HECW2: variants seen among roughly 807,000 people sequenced by gnomAD.
HECW2 encodes the protein HECT, C2 and WW domain containing E3 ubiquitin protein ligase 2.
HECW2 carries 61 observed loss-of-function variants against 175.2 expected under a neutral mutation model. The observed-to-expected ratio is 0.35, with a 90% confidence interval of 0.28 to 0.43. The LOEUF (loss-of-function observed/expected upper bound fraction) is 0.43. Among genes scored for constraint, HECW2 ranks in the 20% least tolerant of loss-of-function variants. The pLI, the probability that HECW2 is intolerant of heterozygous loss-of-function variation, is 1.00. For synonymous variants in HECW2, 671 were observed against 731.0 expected (o/e 0.92, Z 1.32); for missense variants, 1,524 against 2,000.5 (o/e 0.76, Z 4.54).
intron 1 of HECW2, chr2:196,592,446 GGC>G (rs916493132): frequency 3.9e-5 from 6 of 152,194 alleles, no homozygotes; most frequent in African/African-American, 1.4e-4. Context: ...GTGAAGACAA[GGC>G]ATGAGAGAGT....
At chr2:196,575,478 T>C (rs370523452) in intron 1 of HECW2, among the ~76,000 whole-genome samples, 22 of 152,266 alleles carry the variant, frequency 1.4e-4, no homozygotes, top group African/African-American at 5.3e-4. Flanking sequence ...CAAAGCAGCA[T>C]TATTCATAAT....
At chr2:196,405,922 G>A (rs953038481) in intron 2 of HECW2, among the ~76,000 whole-genome samples, 10 of 152,090 alleles carry the variant, frequency 6.6e-5, no homozygotes, top group Non-Finnish European at 8.8e-5. Context: ...CCCAGTGGTC[G>A]CTTCTCTGTT....
chr2:196,430,163 AG>A (rs1358918842), intron 2 of HECW2, among the ~76,000 whole-genome samples: 1 of 152,222 alleles, frequency 6.6e-6, no homozygotes, highest in African/African-American at 2.4e-5. Context: ...CAAAATTCAC[AG>A]GGGAGACCAA....
At chr2:196,438,557 G>A (rs1224783496) in intron 1 of HECW2, among the ~76,000 whole-genome samples, 6 of 152,178 alleles carry the variant, frequency 3.9e-5, no homozygotes, top group Admixed American at 3.9e-4. Flanking sequence ...AACCATGGAG[G>A]TGCCTCCACT....
chr2:196,277,064 T>C (rs1689985030), intron 15 of HECW2, among the ~76,000 whole-genome samples: 2 of 152,160 alleles, frequency 1.3e-5, no homozygotes, highest in South Asian at 4.1e-4. Context: ...TCAGAAACAA[T>C]GTAAATCAAG....
chr2:196,198,256 A>C lies in HECW2; in HGVS notation c.*3021T>G, dbSNP rs943698825. 26 of 152,274 alleles carry C rather than the reference A, an allele frequency of 1.7e-4. No individual in the cohort carries two copies. The highest frequency in any genetic ancestry group is 3.4e-3 in the Middle Eastern group (1 of 294). 9.4% of individuals were successfully genotyped at this position (152,274 alleles called of 1,614,324 possible). ...CTTTACACTCTCGTTGTGTAAGTGC[A>C]TCCTGGCTTCAACACTTGACCAGTA... is the stretch of plus-strand genomic sequence containing the variant. On this transcript the variant is annotated 3_prime_UTR_variant, in exon 29 of 29. Transcript: ENST00000644978.
intron 21 of HECW2, among the ~76,000 whole-genome samples, chr2:196,229,363 A>G (rs938233230): frequency 6.6e-6 from 1 of 151,930 alleles, no homozygotes; most frequent in African/African-American, 2.4e-5. Flanking sequence ...GTGAAGGAGG[A>G]AAAAACAGAT....
chr2:196,307,291 G>C, intron 11 of HECW2, 58 bp from the exon 12 acceptor site: 1 of 1,166,924 alleles, frequency 8.6e-7, no homozygotes, highest in East Asian at 2.4e-5. Flanking sequence ...GGACTCAACT[G>C]CTCCCCAAGA....
chr2:196,265,737 T>C (rs1436995185), intron 17 of HECW2, among the ~76,000 whole-genome samples: 1 of 152,168 alleles, frequency 6.6e-6, no homozygotes, highest in Admixed American at 6.5e-5. Flanking sequence ...TATCAAATGG[T>C]TTATACATAT....
At chr2:196,282,670 A>G (rs1374679274) in intron 14 of HECW2, among the ~76,000 whole-genome samples, 1 of 152,196 alleles carries the variant, frequency 6.6e-6, no homozygotes, top group Non-Finnish European at 1.5e-5. Context: ...GATTGTGGAG[A>G]CCAAGGTTTT....
chr2:196,479,378 T>C (rs1304429830), intron 1 of HECW2, among the ~76,000 whole-genome samples: 1 of 152,238 alleles, frequency 6.6e-6, no homozygotes, highest in African/African-American at 2.4e-5. Context: ...CTTTCATCAG[T>C]AAGGAGTTTC....
chr2:196,411,704 G>A (rs1172684725), intron 2 of HECW2, among the ~76,000 whole-genome samples: 1 of 152,220 alleles, frequency 6.6e-6, no homozygotes. Flanking sequence ...AACTTGGAGT[G>A]ACTTGGATCA....
intron 1 of HECW2, among the ~76,000 whole-genome samples, chr2:196,443,278 G>C (rs1696091524): frequency 6.6e-6 from 1 of 152,020 alleles, no homozygotes. Flanking sequence ...ATGAATGCTG[G>C]ACAAAGATAA....
rs184361888 is a variant in HECW2, at chr2:196,342,385, C to G, written c.400+1272G>C. Among the ~76,000 whole-genome samples the G allele has an allele frequency of 1.3e-3, 163 of 125,378 alleles. 1 individual carries two copies. Among genetic ancestry groups the G allele is most frequent in the African/African-American group, 4.7e-3 (156 of 33,004 alleles). The allele number at this position is 125,378 out of a possible 152,430, so 82.3% of individuals were successfully genotyped here. Reference sequence around the variant, plus strand: ...CGCCATTGTACTCCAGCCTGGGCAACAAGAGCTAAACTCCGTTTCAAGAAA... The same window carrying G: ...CGCCATTGTACTCCAGCCTGGGCAAGAAGAGCTAAACTCCGTTTCAAGAAA... On this transcript the variant is annotated intron_variant, in intron 3 of 28. Coordinates refer to ENST00000644978, the MANE Select transcript of HECW2 (RefSeq NM_001348768.2).
At chr2:196,358,905 T>C (rs1304346574) in intron 2 of HECW2, among the ~76,000 whole-genome samples, 1 of 152,202 alleles carries the variant, frequency 6.6e-6, no homozygotes, top group Non-Finnish European at 1.5e-5. Context: ...TCACATGTAG[T>C]ATCTCCATAC....
chr2:196,272,922 A>G (rs1689793067), intron 16 of HECW2, among the ~76,000 whole-genome samples: 1 of 152,044 alleles, frequency 6.6e-6, no homozygotes, highest in Non-Finnish European at 1.5e-5. Flanking sequence ...TTAGACTTCA[A>G]CCCTACATTT....
At chr2:196,332,340 T>C (rs1692395173) in intron 4 of HECW2, among the ~76,000 whole-genome samples, 1 of 152,182 alleles carries the variant, frequency 6.6e-6, no homozygotes, top group African/African-American at 2.4e-5. Flanking sequence ...TATAGAAACA[T>C]AGTCCTGATC....
At chr2:196,499,013 G>C (rs1043948535) in intron 1 of HECW2, among the ~76,000 whole-genome samples, 26 of 152,082 alleles carry the variant, frequency 1.7e-4, no homozygotes, top group African/African-American at 6.3e-4. Flanking sequence ...CAACCAATTA[G>C]CCTTCCCTAT....
rs1686662352 is a variant in HECW2, at chr2:196,195,723, C to G, written c.*5554G>C. 1 of 152,092 alleles carries G rather than the reference C, an allele frequency of 6.6e-6. No homozygotes were observed. Among genetic ancestry groups the G allele is most frequent in the African/African-American group, 2.4e-5 (1 of 41,390 alleles). The allele number at this position is 152,092 out of a possible 1,614,324, so 9.4% of individuals were successfully genotyped here. A position where few individuals can be genotyped will look rare whatever the true frequency, so the allele number is the denominator to read the frequency against. On this transcript the variant is annotated 3_prime_UTR_variant, in exon 29 of 29. Transcript: ENST00000644978. ...ATAAGTATAATGAAATAAAAGCACCCTTTCTTTCATTTCATACATGGTGTT... is the reference window on the plus strand; with the variant it reads ...ATAAGTATAATGAAATAAAAGCACCGTTTCTTTCATTTCATACATGGTGTT...
Sources: gnomAD v4.1 joint callset for allele counts (sites outside exome capture counted in the v4.1 genomes callset) on GRCh38, gnomAD v4.1.1 for gene constraint, MANE v1.5 for transcripts, NCBI Gene and HGNC (gene_info 2026-07-23, HGNC 2026-07-21) for gene names.